Variants in MORC1 observed in about 807,000 individuals in gnomAD.
MORC1 encodes the protein MORC family CW-type zinc finger protein 1.
Under a neutral mutation model 134.9 loss-of-function variants are expected in MORC1, and 59 were observed. The ratio of observed to expected loss-of-function variants is 0.44; its 90% CI spans 0.35 to 0.54. MORC1 has a LOEUF of 0.54. Ranked by LOEUF, MORC1 falls within the 20% of genes least tolerant of loss-of-function variation. MORC1 has a pLI of 0.00. For synonymous variants in MORC1, 395 were observed against 391.7 expected, an observed-to-expected ratio of 1.01 and a Z score of -0.10; for missense variants, 947 against 1,134.5, an observed-to-expected ratio of 0.83 and a Z score of 2.37.
chr3:108,972,374 T>C (rs1438610842), intron 24 of MORC1, among the ~76,000 whole-genome samples: 5 of 152,234 alleles, frequency 3.3e-5, no homozygotes, highest in Non-Finnish European at 5.9e-5. Flanking sequence ...AATAATATGG[T>C]ATACCAAAGA....
intron 21 of MORC1, among the ~76,000 whole-genome samples, chr3:108,992,743 C>G (rs1258851944): frequency 6.6e-6 from 1 of 152,174 alleles, no homozygotes; most frequent in Non-Finnish European, 1.5e-5. Context: ...ACACCTGCAG[C>G]TTCTCCAGTT....
At chr3:109,091,982 T>C (rs918757025) in intron 8 of MORC1, among the ~76,000 whole-genome samples, 6 of 152,168 alleles carry the variant, frequency 3.9e-5, no homozygotes, top group African/African-American at 1.2e-4. Context: ...CCTCTAACAA[T>C]GTATTGTTTT....
intron 14 of MORC1, among the ~76,000 whole-genome samples, chr3:109,052,523 C>T (rs868438580): frequency 1.8e-4 from 28 of 152,298 alleles, no homozygotes; most frequent in African/African-American, 6.3e-4. Flanking sequence ...CATGAAAACT[C>T]AGCTTCGGCA....
intron 11 of MORC1, among the ~76,000 whole-genome samples, chr3:109,060,987 A>T (rs1208580004): frequency 4.1e-5 from 6 of 144,922 alleles, no homozygotes; most frequent in African/African-American, 7.4e-5. Flanking sequence ...CCCTTAATTT[A>T]AAAAAAAATG....
At chr3:109,062,186 G>T in intron 10 of MORC1, 128 bp from the exon 11 acceptor site, 1 of 776,482 alleles carries the variant, frequency 1.3e-6, no homozygotes, top group South Asian at 1.6e-5. Context: ...AAAACCCTAT[G>T]TTCCTCTTAT....
intron 16 of MORC1, among the ~76,000 whole-genome samples, chr3:109,031,362 A>T (rs1553752053): frequency 6.6e-6 from 1 of 152,208 alleles, no homozygotes; most frequent in Non-Finnish European, 1.5e-5. Context: ...GCTTAGTTAA[A>T]GGGAGGTTAT....
intron 21 of MORC1, among the ~76,000 whole-genome samples, chr3:108,993,133 C>A (rs552097724): frequency 6.6e-6 from 1 of 152,102 alleles, no homozygotes; most frequent in Non-Finnish European, 1.5e-5. Flanking sequence ...AGCCTGTATC[C>A]TTTCCATAAC....
intron 8 of MORC1, among the ~76,000 whole-genome samples, chr3:109,084,641 A>C (rs889835980): frequency 5.9e-5 from 9 of 152,256 alleles, no homozygotes; most frequent in African/African-American, 2.2e-4. Flanking sequence ...ACAGAAATAG[A>C]AGAACAATCC....
chr3:109,084,153 T>C (rs4855689), intron 8 of MORC1, among the ~76,000 whole-genome samples: 134,038 of 152,144 alleles, frequency 0.88, 59,120 homozygotes, highest in East Asian at 0.93. Flanking sequence ...AAAGTTCTGG[T>C]CATAGCAATT....
At chr3:108,961,496 A>C (rs1947078286) in intron 27 of MORC1, among the ~76,000 whole-genome samples, 1 of 151,932 alleles carries the variant, frequency 6.6e-6, no homozygotes, top group Non-Finnish European at 1.5e-5. Context: ...CATTATTTCC[A>C]CACTCGGCTT....
intron 9 of MORC1, among the ~76,000 whole-genome samples, chr3:109,065,627 C>T (rs931194094): frequency 3.3e-5 from 5 of 152,180 alleles, no homozygotes; most frequent in Admixed American, 6.5e-5. Context: ...TGATAGAAGT[C>T]AGCCATTATG....
intron 6 of MORC1, among the ~76,000 whole-genome samples, chr3:109,097,418 C>T (rs548017688): frequency 7.8e-4 from 118 of 152,250 alleles, no homozygotes; most frequent in Non-Finnish European, 1.5e-3. Context: ...CCCCTATGTT[C>T]CTTTGCTCAA....
At chr3:109,029,612 G>GA (rs1949187761) in intron 16 of MORC1, among the ~76,000 whole-genome samples, 1 of 152,162 alleles carries the variant, frequency 6.6e-6, no homozygotes, top group Non-Finnish European at 1.5e-5. Flanking sequence ...TGTAATGGAA[G>GA]CAAACTGATG....
chr3:108,994,918 T>A (rs1356535224), intron 21 of MORC1, among the ~76,000 whole-genome samples: 3 of 152,226 alleles, frequency 2.0e-5, no homozygotes, highest in Admixed American at 1.3e-4. Flanking sequence ...GGTTACTTCT[T>A]ACCTCTCACC....
chr3:109,015,098 G>A (rs939780668), intron 17 of MORC1, among the ~76,000 whole-genome samples: 2 of 152,084 alleles, frequency 1.3e-5, no homozygotes, highest in Admixed American at 6.6e-5. Flanking sequence ...ATGTTAGCCA[G>A]GTTTCGAACT....
At chr3:109,051,939 G>C (rs1265846640) in intron 14 of MORC1, among the ~76,000 whole-genome samples, 1 of 152,084 alleles carries the variant, frequency 6.6e-6, no homozygotes, top group Non-Finnish European at 1.5e-5. Flanking sequence ...ACTCTCCTAA[G>C]TGTGACCTAG....
chr3:108,969,700 A>G lies in MORC1; in HGVS notation c.2573T>C (p.Met858Thr). Residue 858 changes from methionine to threonine, a missense_variant, in exon 26 of 28, where the codon ATG becomes ACG. Transcript: ENST00000232603. ...GAAACACATTTTCAGCTTTTTGTTC[A>G]TCTGCTCTGGGCACTGCTCCAGCTG... ...SCELEQCPEQ[M>T]NKKLKMCFNQ... The G allele has an allele frequency of 6.2e-7, 1 of 1,613,860 alleles. No individual in the cohort carries two copies. Among genetic ancestry groups the G allele is most frequent in the Non-Finnish European group, 8.5e-7 (1 of 1,179,836 alleles).
chr3:109,056,614 T>C (rs1949967584), intron 13 of MORC1, among the ~76,000 whole-genome samples: 1 of 152,240 alleles, frequency 6.6e-6, no homozygotes, highest in African/African-American at 2.4e-5. Flanking sequence ...CACTGGACTA[T>C]ACATTCCTTA....
chr3:108,995,994 G>A (rs1948193174), intron 21 of MORC1, among the ~76,000 whole-genome samples: 1 of 152,158 alleles, frequency 6.6e-6, no homozygotes, highest in African/African-American at 2.4e-5. Flanking sequence ...AGTTATGAAG[G>A]TGGGAGGTAA....
Sources: allele counts gnomAD v4.1 joint callset (sites outside exome capture counted in the v4.1 genomes callset), GRCh38; gene constraint gnomAD v4.1.1; transcripts MANE v1.5; gene names NCBI Gene and HGNC (gene_info 2026-07-23, HGNC 2026-07-21).